Variants in ATP23 observed in about 807,000 individuals in gnomAD.
The protein encoded by ATP23 is ATP23 metallopeptidase and ATP synthase assembly factor homolog.
Under a neutral mutation model 28.5 loss-of-function variants are expected in ATP23, and 24 were observed. The observed-to-expected ratio is 0.84, with a 90% CI of 0.61 to 1.18. The LOEUF is 1.18. Ranked by LOEUF, ATP23 falls within the 50% of genes most tolerant of loss-of-function variation. The pLI is 0.00. For missense variants in ATP23, 274 were observed against 306.4 expected (o/e 0.89, Z 0.79); for synonymous variants, 99 against 108.6 (o/e 0.91, Z 0.55).
chr12:57,954,004 C>G (rs1009684499), intron 5 of ATP23, among the ~76,000 whole-genome samples: 1 of 151,830 alleles, frequency 6.6e-6, no homozygotes. Flanking sequence ...ACCAGCGTGG[C>G]CAACATGGTG....
At position 57,955,280 on chromosome 12, in the gene ATP23, GT is replaced by G. The variant is rs71087605; in HGVS notation, c.538-1393del. 4.5e-3 allele frequency among the ~76,000 whole-genome samples: 640 copies of G among 142,024 alleles called. 3 individuals carry two copies. Among genetic ancestry groups the G allele is most frequent in the East Asian group, 0.014 (72 of 4,968 alleles). 93.2% of individuals were successfully genotyped at this position (142,024 alleles called of 152,430 possible). On this transcript the variant is annotated intron_variant, in intron 5 of 5. Coordinates refer to ENST00000300145, the MANE Select transcript of ATP23 (RefSeq NM_033276.4). Reference sequence around the variant, plus strand: ...TTGATATACTAAAGAAATAGAGCATGTTTTTTTTTTTTTTAATTCACCTTCT... The same window carrying G: ...TTGATATACTAAAGAAATAGAGCATGTTTTTTTTTTTTTAATTCACCTTCT...
intron 2 of ATP23, among the ~76,000 whole-genome samples, chr12:57,946,446 ATTTTTT>A (rs369316315): frequency 1.9e-5 from 2 of 104,034 alleles, no homozygotes. Flanking sequence ...AGTTGAACAA[ATTTTTT>A]TTTTTTTTTT....
intron 3 of ATP23, among the ~76,000 whole-genome samples, chr12:57,947,793 G>A (rs1214606767): frequency 1.3e-5 from 2 of 152,106 alleles, no homozygotes; most frequent in Non-Finnish European, 2.9e-5. Context: ...TTAGTTTTAA[G>A]TCATCAGAGA....
rs553689684 is a variant in ATP23 at position 57,951,055 on chromosome 12, T to C, written c.316-703T>C. Reference sequence around the variant, plus strand: ...GCAGTAGTACACAATCAATGGCAGCTATTACTATTAGGATCCCTTGTGTCT... The same window carrying C: ...GCAGTAGTACACAATCAATGGCAGCCATTACTATTAGGATCCCTTGTGTCT... On this transcript the variant is annotated intron_variant, in intron 3 of 5. Coordinates refer to ENST00000300145, the MANE Select transcript of ATP23 (RefSeq NM_033276.4). 5.3e-5 allele frequency among the ~76,000 whole-genome samples: 8 copies of C among 152,354 alleles called. No individual in the cohort carries two copies. The South Asian group carries it at 1.7e-3, about 32-fold the overall frequency.
intron 1 of ATP23, 36 bp downstream of exon 1, chr12:57,941,924 A>T (rs1810295918): frequency 6.2e-7 from 1 of 1,605,904 alleles, no homozygotes; most frequent in Non-Finnish European, 8.5e-7. Flanking sequence ...GGTTCCACAG[A>T]ATGGGTCTGA....
Position 57,953,690 on chromosome 12 carries a change from G to C in ATP23, c.537+1G>C, listed in dbSNP as rs1159989939. 6.2e-7 allele frequency: 1 copy of C among 1,612,414 alleles called. No individual in the cohort carries two copies. The highest frequency in any genetic ancestry group is 8.5e-7 in the Non-Finnish European group (1 of 1,178,702). On this transcript the variant is annotated splice_donor_variant, in intron 5 of 5. Transcript: ENST00000300145. LOFTEE classifies it high-confidence loss of function. Reference sequence around the variant, plus strand: ...TTTTGGATTAAAACAACACCACCAGGTAAAAACTAATATGAAATCACTTCC... The same window carrying C: ...TTTTGGATTAAAACAACACCACCAGCTAAAAACTAATATGAAATCACTTCC...
rs761030343 is a variant in ATP23 at position 57,957,144 on chromosome 12, CATTT to C, written c.*255_*258del. Reference sequence around the variant, plus strand: ...ATACATTACATTTTTGTATTTTAGTCATTTGTTTTTATTACATGTGATTATTTTA... The same window carrying C: ...ATACATTACATTTTTGTATTTTAGTCGTTTTTATTACATGTGATTATTTTA... On this transcript the variant is annotated 3_prime_UTR_variant, in exon 6 of 6. Transcript: ENST00000300145. 96 of 342,286 alleles carry C rather than the reference CATTT, an allele frequency of 2.8e-4. 1 individual carries two copies. Among genetic ancestry groups the C allele is most frequent in the Non-Finnish European group, 1.6e-4 (31 of 193,228 alleles). 21.2% of individuals were successfully genotyped at this position (342,286 alleles called of 1,614,324 possible).
At position 57,957,411 on chromosome 12, in the gene ATP23, G is replaced by T; in HGVS notation, c.*521G>T. On this transcript the variant is annotated 3_prime_UTR_variant, in exon 6 of 6. Transcript: ENST00000300145. ...GGCCTAATTTTCTGGGGACAGTCCT[G>T]GTTAGATCTTTTTCTTTTTAATAAA... is the stretch of plus-strand genomic sequence containing the variant. 1 of 152,758 alleles carries T rather than the reference G, an allele frequency of 6.5e-6. No homozygotes were observed. Among genetic ancestry groups the T allele is most frequent in the Non-Finnish European group, 1.5e-5 (1 of 68,446 alleles). The allele number at this position is 152,758 out of a possible 1,614,324, so 9.5% of individuals were successfully genotyped here.
At chr12:57,943,674 C>T (rs1044790121) in intron 1 of ATP23, among the ~76,000 whole-genome samples, 3 of 147,614 alleles carry the variant, frequency 2.0e-5, no homozygotes, top group African/African-American at 5.3e-5. Context: ...GAGCGAGACC[C>T]TGTCTAAAAA....
chr12:57,950,528 C>CTT (rs60968742), intron 3 of ATP23, among the ~76,000 whole-genome samples: 115 of 142,500 alleles, frequency 8.1e-4, no homozygotes, highest in African/African-American at 2.8e-3. Flanking sequence ...CTTTCTTTTT[C>CTT]TTTTTTTTTT....
chr12:57,951,369 A>C (rs1156960363), intron 3 of ATP23, among the ~76,000 whole-genome samples: 1 of 152,240 alleles, frequency 6.6e-6, no homozygotes, highest in Non-Finnish European at 1.5e-5. Context: ...AAGGTCACTG[A>C]GTTAGTAAGG....
chr12:57,958,895 A>C lies in ATP23; in HGVS notation c.*2005A>C, dbSNP rs1956892987. The stretch of plus-strand genomic sequence containing the variant: ...GATTCAAACCAAGAAGAAATCCCTG[A>C]TTTACCTGAAAAAGAATTCAGGAGG... On this transcript the variant is annotated 3_prime_UTR_variant, in exon 6 of 6. Transcript: ENST00000300145. 6.6e-6 allele frequency among the ~76,000 whole-genome samples: 1 copy of C among 152,210 alleles called. No homozygotes were observed. Among genetic ancestry groups the C allele is most frequent in the African/African-American group, 2.4e-5 (1 of 41,450 alleles).
intron 4 of ATP23, 38 bp from the exon 5 acceptor site, chr12:57,953,568 G>A (rs748436780): frequency 3.9e-6 from 6 of 1,549,444 alleles, no homozygotes; most frequent in South Asian, 3.4e-5. Flanking sequence ...TATAGAGCAT[G>A]AGCGTTTATT....
At chr12:57,943,505 C>A (rs1271533393) in intron 1 of ATP23, among the ~76,000 whole-genome samples, 2 of 151,846 alleles carry the variant, frequency 1.3e-5, no homozygotes, top group Admixed American at 1.3e-4. Context: ...TATAGGGAGA[C>A]CCTGTCTCTA....
intron 2 of ATP23, 126 bp downstream of exon 2, chr12:57,945,799 G>C: frequency 1.2e-6 from 1 of 824,426 alleles, no homozygotes; most frequent in South Asian, 1.5e-5. Flanking sequence ...AGGGTAAATA[G>C]AGGTAATTGG....
chr12:57,942,915 A>G (rs749130199), intron 1 of ATP23, among the ~76,000 whole-genome samples: 1 of 152,088 alleles, frequency 6.6e-6, no homozygotes, highest in African/African-American at 2.4e-5. Context: ...ATTGACATAG[A>G]CTTCTTAAGT....
intron 4 of ATP23, among the ~76,000 whole-genome samples, chr12:57,952,193 T>TAATAAA (rs1956822673): frequency 6.6e-6 from 1 of 152,142 alleles, no homozygotes; most frequent in Non-Finnish European, 1.5e-5. Context: ...GAGACATTAA[T>TAATAAA]AATAAAAATA....
At chr12:57,951,485 G>A (rs867153799) in intron 3 of ATP23, among the ~76,000 whole-genome samples, 3 of 152,120 alleles carry the variant, frequency 2.0e-5, no homozygotes, top group Non-Finnish European at 4.4e-5. Context: ...CAGTAAGGAT[G>A]GTGTGTGAAT....
chr12:57,946,731 C>T (rs966155355), intron 2 of ATP23, among the ~76,000 whole-genome samples: 29 of 152,168 alleles, frequency 1.9e-4, no homozygotes, highest in Non-Finnish European at 8.8e-5. Flanking sequence ...GCTGGGATTA[C>T]AGGCGTGAGC....
Sources: allele counts gnomAD v4.1 joint callset (sites outside exome capture counted in the v4.1 genomes callset), GRCh38; gene constraint gnomAD v4.1.1; transcripts MANE v1.5; gene names NCBI Gene and HGNC (gene_info 2026-07-23, HGNC 2026-07-21).